Variants in PRKN observed in about 807,000 individuals in gnomAD.
PRKN encodes parkin RBR E3 ubiquitin protein ligase.
A neutral mutation model predicts 59.5 loss-of-function variants in PRKN; 56 were observed. That is an observed-to-expected ratio of 0.94 (90% CI 0.76 to 1.18). The LOEUF (loss-of-function observed/expected upper bound fraction) is 1.18, where lower values mean the gene tolerates loss of function less well. PRKN is among the 50% of genes most tolerant of loss of function. The pLI is 0.00. For synonymous variants in PRKN, 250 were observed against 222.1 expected, an observed-to-expected ratio of 1.13 and a Z score of -1.12; for missense variants, 657 against 596.4, an observed-to-expected ratio of 1.10 and a Z score of -1.06.
At chr6:162,085,936 T>C (rs77632277) in intron 4 of PRKN, among the ~76,000 whole-genome samples, 1,570 of 152,296 alleles carry the variant, frequency 0.01, 30 homozygotes, top group African/African-American at 0.036. Context: ...TCAAGTCATG[T>C]AACAGTGCCT....
chr6:162,537,381 C>G (rs939014863), intron 1 of PRKN, among the ~76,000 whole-genome samples: 5 of 152,150 alleles, frequency 3.3e-5, no homozygotes, highest in Admixed American at 2.0e-4. Context: ...TTTGCTCAGG[C>G]CCAGTGAGTT....
intron 4 of PRKN, among the ~76,000 whole-genome samples, chr6:162,187,644 G>A (rs1167128698): frequency 1.3e-5 from 2 of 152,106 alleles, no homozygotes; most frequent in African/African-American, 4.8e-5. Flanking sequence ...ACTATGTACT[G>A]AAATAAAGCT....
intron 7 of PRKN, among the ~76,000 whole-genome samples, chr6:161,749,536 A>C (rs942626513): frequency 2.6e-5 from 4 of 152,116 alleles, no homozygotes; most frequent in African/African-American, 9.7e-5. Flanking sequence ...CTTCAACTCC[A>C]GCAATTTAAG....
chr6:161,720,282 C>T (rs1787166157), intron 7 of PRKN, among the ~76,000 whole-genome samples: 1 of 152,190 alleles, frequency 6.6e-6, no homozygotes, highest in South Asian at 2.1e-4. Context: ...TGAAGGTCTT[C>T]ATGTGCATTA....
At chr6:162,542,867 C>A (rs898641432) in intron 1 of PRKN, among the ~76,000 whole-genome samples, 1 of 152,084 alleles carries the variant, frequency 6.6e-6, no homozygotes, top group Non-Finnish European at 1.5e-5. Flanking sequence ...CTCGGTTGGG[C>A]TTGGGCTTCT....
intron 4 of PRKN, among the ~76,000 whole-genome samples, chr6:162,141,648 T>C (rs879664304): frequency 3.9e-5 from 6 of 152,202 alleles, no homozygotes; most frequent in Admixed American, 2.6e-4. Context: ...ATATTGGTAA[T>C]AGAGAAACTT....
At position 161,698,911 on chromosome 6, in the gene PRKN, G is replaced by A. The variant is rs534886136; in HGVS notation, c.871+86861C>T. Among the ~76,000 whole-genome samples, 5 of 152,194 alleles carry A rather than the reference G, an allele frequency of 3.3e-5. No homozygotes were observed. In the East Asian group the frequency reaches 5.8e-4, roughly 18 times the overall value. On this transcript the variant is annotated intron_variant, in intron 7 of 11. Coordinates refer to ENST00000366898, the MANE Select transcript of PRKN (RefSeq NM_004562.3). ...CTGACAAACTGGACTTCATCAAAGTGAAAAGATCTGCTCTTTGAAAGACAC... is the reference window on the plus strand; with the variant it reads ...CTGACAAACTGGACTTCATCAAAGTAAAAAGATCTGCTCTTTGAAAGACAC...
intron 7 of PRKN, among the ~76,000 whole-genome samples, chr6:161,637,007 G>T (rs188653734): frequency 9.6e-4 from 147 of 152,332 alleles, no homozygotes; most frequent in Middle Eastern, 3.4e-3. Flanking sequence ...TGCCTCATCA[G>T]AATGTATCAG....
rs1409308084 is a variant in PRKN, at chr6:161,458,990, A to G, written c.1084-72113T>C. ...CCTTCATCTTATCTGGAGGGAAGAC[A>G]GGAATGAAAACCATGATAGTATCCA... is the stretch of plus-strand genomic sequence containing the variant. On this transcript the variant is annotated intron_variant, in intron 9 of 11. Coordinates refer to ENST00000366898, the MANE Select transcript of PRKN (RefSeq NM_004562.3). The surrounding 1 kb of genome is among the most constrained non-coding windows in gnomAD (Gnocchi z 6.1). Among the ~76,000 whole-genome samples the G allele has an allele frequency of 6.6e-6, 1 of 152,120 alleles. No homozygotes were observed. Among genetic ancestry groups the G allele is most frequent in the Non-Finnish European group, 1.5e-5 (1 of 68,022 alleles).
At chr6:162,125,714 T>C (rs1262338165) in intron 4 of PRKN, among the ~76,000 whole-genome samples, 1 of 152,158 alleles carries the variant, frequency 6.6e-6, no homozygotes, top group Non-Finnish European at 1.5e-5. Flanking sequence ...GGTCAATTAT[T>C]GAACCTGGTA....
At chr6:161,773,142 G>C (rs934884326) in intron 7 of PRKN, among the ~76,000 whole-genome samples, 4 of 152,204 alleles carry the variant, frequency 2.6e-5, no homozygotes, top group Admixed American at 6.5e-5. Context: ...GGCTCACATT[G>C]TGTGATCCAG....
Position 161,868,940 on chromosome 6 carries a change from C to T in PRKN, c.735-83032G>A, listed in dbSNP as rs117509697. Among the ~76,000 whole-genome samples, 41 of 152,128 alleles carry T rather than the reference C, an allele frequency of 2.7e-4. No homozygotes were observed. In the East Asian group the frequency reaches 6.8e-3, roughly 25 times the overall value. On this transcript the variant is annotated intron_variant, in intron 6 of 11. Transcript: ENST00000366898. ...TTATAGTGTAAAATAATTACAATTA[C>T]TTTAAAAATTGTTATGGTCCAGCAC...
At position 161,812,157 on chromosome 6, in the gene PRKN, C is replaced by T. The variant is rs554240584; in HGVS notation, c.735-26249G>A. 9.9e-5 allele frequency among the ~76,000 whole-genome samples: 15 copies of T among 152,074 alleles called. No individual in the cohort carries two copies. In the South Asian group the frequency reaches 2.5e-3, roughly 25 times the overall value. On this transcript the variant is annotated intron_variant, in intron 6 of 11. Coordinates refer to ENST00000366898, the MANE Select transcript of PRKN (RefSeq NM_004562.3). ...ATCCCAGTGCTTTGGGAAGCTGAGA[C>T]GGGAGGACTGCTTGATCCCAGGAGA...
intron 1 of PRKN, among the ~76,000 whole-genome samples, chr6:162,657,687 C>G (rs1287627588): frequency 1.3e-5 from 2 of 152,158 alleles, no homozygotes; most frequent in Non-Finnish European, 2.9e-5. Context: ...ATAAATCTTT[C>G]TCATGGAAAT....
At position 162,402,062 on chromosome 6, in the gene PRKN, C is replaced by T. The variant is rs116524479; in HGVS notation, c.171+41248G>A. On this transcript the variant is annotated intron_variant, in intron 2 of 11. Coordinates refer to ENST00000366898, the MANE Select transcript of PRKN (RefSeq NM_004562.3). ...GCCAGGAATTCAAGACCAGCCTGGC[C>T]GACATGGCAAAACCCAGTCTCTACC... Among the ~76,000 whole-genome samples the T allele has an allele frequency of 6.7e-3, 1,011 of 151,980 alleles. 7 individuals carry two copies. Among genetic ancestry groups the T allele is most frequent in the Middle Eastern group, 0.014 (4 of 294 alleles).
intron 5 of PRKN, among the ~76,000 whole-genome samples, chr6:162,008,331 C>T (rs1304627714): frequency 1.3e-5 from 2 of 152,134 alleles, no homozygotes; most frequent in Non-Finnish European, 2.9e-5. Flanking sequence ...CTTCGTGCCC[C>T]GGGGGCCCCA....
chr6:162,302,708 A>G (rs1323192392), intron 2 of PRKN, among the ~76,000 whole-genome samples: 1 of 152,000 alleles, frequency 6.6e-6, no homozygotes, highest in East Asian at 1.9e-4. Context: ...ACATCTATCT[A>G]TGTTATGCCA....
At chr6:162,513,971 G>A (rs914446879) in intron 1 of PRKN, among the ~76,000 whole-genome samples, 15 of 151,940 alleles carry the variant, frequency 9.9e-5, no homozygotes, top group Non-Finnish European at 2.2e-4. Context: ...CCTTGAACCT[G>A]TGAGGTGGAG....
chr6:162,480,972 A>ATT (rs978869458), intron 1 of PRKN, among the ~76,000 whole-genome samples: 2 of 143,744 alleles, frequency 1.4e-5, no homozygotes, highest in Non-Finnish European at 3.1e-5. Flanking sequence ...AGCCCAGCTA[A>ATT]TTTTTGTGTG....
Sources: allele counts gnomAD v4.1 joint callset (sites outside exome capture counted in the v4.1 genomes callset), GRCh38; gene constraint gnomAD v4.1.1; non-coding constraint Gnocchi (gnomAD v3.1); transcripts MANE v1.5; gene names NCBI Gene and HGNC (gene_info 2026-07-23, HGNC 2026-07-21).